CYP3A5: variants seen among roughly 807,000 people sequenced by gnomAD.
The protein encoded by CYP3A5 is cytochrome P450 3A5.
Under a neutral mutation model 55.9 loss-of-function variants are expected in CYP3A5, and 51 were observed. The observed-to-expected ratio is 0.91, with a 90% CI of 0.73 to 1.15. The LOEUF (loss-of-function observed/expected upper bound fraction) is 1.15, where lower values mean the gene tolerates loss of function less well. Among genes scored for constraint, CYP3A5 ranks in the 50% most tolerant of loss-of-function variants. CYP3A5 has a pLI of 0.00. For missense variants in CYP3A5, 533 were observed against 596.6 expected (o/e 0.89, Z 1.11); for synonymous variants, 196 against 213.9 (o/e 0.92, Z 0.73).
intron 1 of CYP3A5, 70 bp downstream of exon 1, chr7:99,679,756 A>G (rs1812654223): frequency 2.1e-6 from 3 of 1,441,640 alleles, no homozygotes; most frequent in African/African-American, 1.4e-5. Flanking sequence ...CAAAACAGAT[A>G]AGGGAAAAGG....
At chr7:99,658,346 A>G (rs961956945) in intron 10 of CYP3A5, among the ~76,000 whole-genome samples, 1 of 152,196 alleles carries the variant, frequency 6.6e-6, no homozygotes, top group Non-Finnish European at 1.5e-5. Context: ...TATGAAGCTT[A>G]GTTTGGCTGG....
chr7:99,671,511 T>A (rs1811628983), intron 4 of CYP3A5: 1 of 301,390 alleles, frequency 3.3e-6, no homozygotes, highest in African/African-American at 2.2e-5. Flanking sequence ...TCCAAAATGG[T>A]GTTGGAACAT....
Position 99,679,973 on chromosome 7 carries a change from T to A in CYP3A5, c.-77A>T. The A allele has an allele frequency of 7.7e-7, 1 of 1,306,432 alleles. No individual in the cohort carries two copies. Among genetic ancestry groups the A allele is most frequent in the Non-Finnish European group, 1.1e-6 (1 of 900,368 alleles). 80.9% of individuals were successfully genotyped at this position (1,306,432 alleles called of 1,614,324 possible). On this transcript the variant is annotated 5_prime_UTR_variant, in exon 1 of 13. Transcript: ENST00000222982. ...GCTGCTGTTTGCTGGGCTGTTTGCC[T>A]GGAGCTTCCCTGCCCTGCACAGCAG...
chr7:99,671,396 G>C (rs1360982942), intron 4 of CYP3A5: 1 of 163,296 alleles, frequency 6.1e-6, no homozygotes, highest in African/African-American at 2.4e-5. Flanking sequence ...AAGAGTTACT[G>C]TACAGCTACT....
chr7:99,667,489 A>G (rs1404321833), intron 4 of CYP3A5, among the ~76,000 whole-genome samples: 1 of 152,246 alleles, frequency 6.6e-6, no homozygotes, highest in Non-Finnish European at 1.5e-5. Context: ...AGCATGGGCA[A>G]CTTGAAAAAG....
At position 99,672,590 on chromosome 7, in the gene CYP3A5, G is replaced by T. The variant is rs761882111; in HGVS notation, c.308C>A (p.Thr103Lys). 1 of 1,613,268 alleles carries T rather than the reference G, an allele frequency of 6.2e-7. No homozygotes were observed. ...VLVKECYSVF[T>K]NRRSLGPVGF... ...AAAATGGATGCTTACCCTTCGATTT[G>T]TGAAGACAGAATAACATTCTTTCAC... The change falls in exon 4 of 13, where the codon ACA (threonine) becomes AAA (lysine). Residue 103 changes from threonine (T) to lysine (K), a missense_variant. Coordinates refer to ENST00000222982, the MANE Select transcript of CYP3A5 (RefSeq NM_000777.5).
At position 99,657,834 on chromosome 7, in the gene CYP3A5, G is replaced by A. The variant is rs367613938; in HGVS notation, c.1026+2665C>T. 1.9e-4 allele frequency among the ~76,000 whole-genome samples: 29 copies of A among 152,268 alleles called. 1 individual carries two copies. In the East Asian group the frequency reaches 4.2e-3, roughly 22 times the overall value. On this transcript the variant is annotated intron_variant, in intron 10 of 12. Transcript: ENST00000222982. ...GTTGAATTGATCCCTTTACCATTAT[G>A]TAATGGCCTTCTTTGTCTCTTTTGA...
At chr7:99,679,269 G>T (rs543613440) in intron 1 of CYP3A5, among the ~76,000 whole-genome samples, 15 of 152,220 alleles carry the variant, frequency 9.9e-5, no homozygotes, top group African/African-American at 3.4e-4. Context: ...AAGAGCCAGG[G>T]GACAGCTTCC....
In CYP3A5 at chr7:99,662,122, T is replaced by C. The variant is rs1810512225; in HGVS notation, c.865+694A>G. ...ACAGAAGTAGATGTAGACATGGACATGTTTAAAGTGGTATACTGGAGTCTG... is the reference window on the plus strand; with the variant it reads ...ACAGAAGTAGATGTAGACATGGACACGTTTAAAGTGGTATACTGGAGTCTG... On this transcript the variant is annotated intron_variant, in intron 9 of 12. Coordinates refer to ENST00000222982, the MANE Select transcript of CYP3A5 (RefSeq NM_000777.5). This position sits in a 1 kb window ranked among gnomAD's most constrained non-coding sequence, Gnocchi z 4.3. 6.6e-6 allele frequency among the ~76,000 whole-genome samples: 1 copy of C among 152,218 alleles called. No homozygotes were observed. Among genetic ancestry groups the C allele is most frequent in the Non-Finnish European group, 1.5e-5 (1 of 68,034 alleles).
At chr7:99,657,001 A>G (rs1809810521) in intron 10 of CYP3A5, among the ~76,000 whole-genome samples, 1 of 152,006 alleles carries the variant, frequency 6.6e-6, no homozygotes, top group South Asian at 2.1e-4. Context: ...CTAGCATTCT[A>G]TCAATTTTGT....
At chr7:99,657,047 A>AT (rs1478357585) in intron 10 of CYP3A5, among the ~76,000 whole-genome samples, 2 of 151,808 alleles carry the variant, frequency 1.3e-5, no homozygotes, top group Admixed American at 1.3e-4. Flanking sequence ...GGATTCATTG[A>AT]TTTTTTTGAA....
chr7:99,649,067 C>T (rs1230913073), intron 12 of CYP3A5, among the ~76,000 whole-genome samples: 1 of 152,164 alleles, frequency 6.6e-6, no homozygotes, highest in Non-Finnish European at 1.5e-5. Context: ...AACAGAGTAA[C>T]ATTCTGATCT....
chr7:99,664,989 G>A (rs1451325514), intron 7 of CYP3A5, among the ~76,000 whole-genome samples, 177 bp downstream of exon 7: 4 of 152,132 alleles, frequency 2.6e-5, no homozygotes, highest in African/African-American at 9.7e-5. Flanking sequence ...AAGTGTGTGA[G>A]GGCTCTAGAT....
rs753861581 is a variant in CYP3A5, at chr7:99,672,636, C to T, written c.262G>A (p.Asp88Asn). Residue 88 changes from aspartate to asparagine, a missense_variant, in exon 4 of 13, where the codon GAC becomes AAC. Coordinates refer to ENST00000222982, the MANE Select transcript of CYP3A5 (RefSeq NM_000777.5). ...QLPVLAITDP[D>N]VIRTVLVKEC... Reference sequence around the variant, plus strand: ...TTCACTAGCACTGTTCTGATCACGTCGGGATCTGTGATGGCCAGCACAGGG... The same window carrying T: ...TTCACTAGCACTGTTCTGATCACGTTGGGATCTGTGATGGCCAGCACAGGG... The T allele has an allele frequency of 1.1e-5, 17 of 1,614,076 alleles. No individual in the cohort carries two copies. The highest frequency in any genetic ancestry group is 1.7e-4 in the Middle Eastern group (1 of 6,060).
In CYP3A5 at chr7:99,650,736, A is replaced by ACCTTCTCCTCTGCCT. The variant is rs1366419864; in HGVS notation, c.1254-519_1254-505dup. On this transcript the variant is annotated intron_variant, in intron 11 of 12. Coordinates refer to ENST00000222982, the MANE Select transcript of CYP3A5 (RefSeq NM_000777.5). ...CTCCTCCTCTCTACCTTCCCCGTCC[A>ACCTTCTCCTCTGCCT]CCTTCTCCTCTGCCTCCTTCTCCTC... Among the ~76,000 whole-genome samples the ACCTTCTCCTCTGCCT allele has an allele frequency of 1.0e-4, 15 of 150,712 alleles. 1 individual carries two copies. The highest frequency in any genetic ancestry group is 2.7e-4 in the Admixed American group (4 of 15,086).
At chr7:99,660,273 C>A in intron 10 of CYP3A5, 3 of 178,774 alleles carry the variant, frequency 1.7e-5, no homozygotes, top group Non-Finnish European at 2.6e-5. Flanking sequence ...TAACAGTAAA[C>A]AGGTGAACCA....
At position 99,652,718 on chromosome 7, in the gene CYP3A5, G is replaced by A. The variant is rs199603375; in HGVS notation, c.1088C>T (p.Thr363Ile). 1.2e-6 allele frequency: 2 copies of A among 1,614,000 alleles called. No homozygotes were observed. Among genetic ancestry groups the A allele is most frequent in the African/African-American group, 2.7e-5 (2 of 74,920 alleles). ...MEYLDMVVNE[T>I]LRLFPVAIRL... is the part of the protein sequence containing the mutation. ...AATAGCAACTGGGAATAATCTGAGT[G>A]TTTCATTCACCACCATGTCAAGGTA... The change falls in exon 11 of 13, where the codon ACA becomes ATA. Residue 363 changes from threonine (T) to isoleucine (I), a missense_variant. By Grantham distance (89) the Thr-to-Ile change is moderately conservative. Coordinates refer to ENST00000222982, the MANE Select transcript of CYP3A5 (RefSeq NM_000777.5).
intron 6 of CYP3A5, among the ~76,000 whole-genome samples, chr7:99,665,708 C>T (rs993544064): frequency 1.1e-4 from 16 of 152,208 alleles, no homozygotes; most frequent in African/African-American, 3.6e-4. Context: ...AGAAAGGTGG[C>T]GTTGTCTGAC....
At position 99,652,539 on chromosome 7, in the gene CYP3A5, C is replaced by T; in HGVS notation, c.1253+14G>A. ...CTGGGTCAGGGTGAGCTCCATTTCC[C>T]TGGAGACTTGTACCTTTCAGGGCGG... On this transcript the variant is annotated intron_variant, in intron 11 of 12. Coordinates refer to ENST00000222982, the MANE Select transcript of CYP3A5 (RefSeq NM_000777.5). The T allele has an allele frequency of 1.3e-6, 2 of 1,578,566 alleles. No individual in the cohort carries two copies. The highest frequency in any genetic ancestry group is 1.7e-6 in the Non-Finnish European group (2 of 1,157,108).
Sources: gnomAD v4.1 joint callset for allele counts (sites outside exome capture counted in the v4.1 genomes callset) on GRCh38, gnomAD v4.1.1 for gene constraint, Gnocchi (gnomAD v3.1) non-coding constraint, MANE v1.5 for transcripts, NCBI Gene and HGNC (gene_info 2026-07-23, HGNC 2026-07-21) for gene names.